The following NRXN3 variants were observed in gnomAD, a reference collection of about 807,000 sequenced individuals.
NRXN3 encodes the protein neurexin 3, also known as neurexin III.
In NRXN3, 32 loss-of-function variants were observed where a neutral mutation model predicts 137.6. The ratio of observed to expected loss-of-function variants is 0.23; its 90% CI spans 0.18 to 0.31. The LOEUF (loss-of-function observed/expected upper bound fraction) is 0.31, where lower values mean the gene tolerates loss of function less well. Ranked by LOEUF, NRXN3 falls within the 10% of genes least tolerant of loss-of-function variation. NRXN3 has a pLI of 1.00. For missense variants in NRXN3, 1,574 were observed against 2,062.5 expected (o/e 0.76, Z 4.59); for synonymous variants, 798 against 784.5 (o/e 1.02, Z -0.29).
At chr14:78,494,658 CA>C (rs925405570) in intron 4 of NRXN3, among the ~76,000 whole-genome samples, 7 of 151,852 alleles carry the variant, frequency 4.6e-5, no homozygotes, top group Non-Finnish European at 7.4e-5. Flanking sequence ...AGAGCCAGCC[CA>C]AAAAAATATG....
rs112593290 is a variant in NRXN3, at chr14:79,607,989, A to G, written c.3445-55789A>G. 4.0e-3 allele frequency among the ~76,000 whole-genome samples: 612 copies of G among 152,294 alleles called. 8 individuals carry two copies. Among genetic ancestry groups the G allele is most frequent in the African/African-American group, 0.014 (574 of 41,554 alleles). ...CGTGCCTGGCCATCAAATGTTTTTCATAGTGGACTAGGGCTTTATGATCCC... is the reference window on the plus strand; with the variant it reads ...CGTGCCTGGCCATCAAATGTTTTTCGTAGTGGACTAGGGCTTTATGATCCC... On this transcript the variant is annotated intron_variant, in intron 16 of 20. Coordinates refer to ENST00000335750, the MANE Select transcript of NRXN3 (RefSeq NM_001330195.2).
At chr14:78,460,381 C>T (rs1466217720) in intron 4 of NRXN3, among the ~76,000 whole-genome samples, 1 of 152,208 alleles carries the variant, frequency 6.6e-6, no homozygotes, top group African/African-American at 2.4e-5. Context: ...CTGAAAGTTC[C>T]AAACCTCTAA....
chr14:79,076,565 C>T (rs1038064072), intron 15 of NRXN3, among the ~76,000 whole-genome samples: 1 of 152,172 alleles, frequency 6.6e-6, no homozygotes, highest in Non-Finnish European at 1.5e-5. Flanking sequence ...AACTTAATAG[C>T]TGTCTTTGAT....
At chr14:78,282,495 G>A (rs2074543009) in intron 3 of NRXN3, 1 of 203,186 alleles carries the variant, frequency 4.9e-6, no homozygotes. Context: ...GAATTTAAAT[G>A]AATAACTGTG....
In NRXN3 at chr14:78,255,335, C is replaced by A. The variant is rs190774026; in HGVS notation, c.709+11533C>A. Among the ~76,000 whole-genome samples the A allele has an allele frequency of 3.3e-5, 5 of 152,222 alleles. No individual in the cohort carries two copies. The East Asian group carries it at 9.6e-4, about 29-fold the overall frequency. On this transcript the variant is annotated intron_variant, in intron 2 of 20. Transcript: ENST00000335750. ...TTGTGCAGCCAGGCCTCGGACCACA[C>A]GCATGTGCTGGGAAGTGGGCGTGAC... is the stretch of plus-strand genomic sequence containing the variant.
intron 15 of NRXN3, among the ~76,000 whole-genome samples, chr14:79,276,504 A>G (rs1276831999): frequency 1.3e-5 from 2 of 152,200 alleles, no homozygotes; most frequent in Admixed American, 6.5e-5. Context: ...GACATTTTGC[A>G]AAAAGTAAAT....
intron 19 of NRXN3, among the ~76,000 whole-genome samples, chr14:79,768,608 CA>C (rs1158655539): frequency 6.6e-6 from 1 of 152,136 alleles, no homozygotes; most frequent in African/African-American, 2.4e-5. Context: ...ACATCCACAC[CA>C]AAAACCCATC....
intron 19 of NRXN3, among the ~76,000 whole-genome samples, chr14:79,745,860 T>C (rs1288406843): frequency 6.6e-6 from 1 of 152,094 alleles, no homozygotes; most frequent in Non-Finnish European, 1.5e-5. Flanking sequence ...CCAACCTCTT[T>C]CTTCCTCATC....
At chr14:78,772,820 A>G (rs1178845707) in intron 8 of NRXN3, among the ~76,000 whole-genome samples, 4 of 152,188 alleles carry the variant, frequency 2.6e-5, no homozygotes, top group Admixed American at 6.5e-5. Context: ...GTGAACTGTA[A>G]AGTTTTGTGC....
Position 78,460,066 on chromosome 14 carries a change from C to T in NRXN3, c.757+162206C>T, listed in dbSNP as rs561384368. Among the ~76,000 whole-genome samples, 90 of 152,318 alleles carry T rather than the reference C, an allele frequency of 5.9e-4. 1 individual carries two copies. The highest frequency in any genetic ancestry group is 8.7e-4 in the African/African-American group (36 of 41,576). ...GAGAAACTCACAGAACTTAGGGGAACGCTTTATTTACATCTACCCATTTAT... is the reference window on the plus strand; with the variant it reads ...GAGAAACTCACAGAACTTAGGGGAATGCTTTATTTACATCTACCCATTTAT... On this transcript the variant is annotated intron_variant, in intron 4 of 20. Transcript: ENST00000335750.
rs531012023 is a variant in NRXN3 at position 78,837,494 on chromosome 14, T to G, written c.2275+27150T>G. On this transcript the variant is annotated intron_variant, in intron 10 of 20. Transcript: ENST00000335750. The stretch of plus-strand genomic sequence containing the variant: ...CCTTTGCCTCTTTATTTTTGTGGGT[T>G]TTTTTTTTTTCTCTTTGAGAATGTT... Among the ~76,000 whole-genome samples the G allele has an allele frequency of 5.6e-4, 84 of 150,458 alleles. 1 individual carries two copies. Among genetic ancestry groups the G allele is most frequent in the South Asian group, 6.3e-4 (3 of 4,730 alleles).
rs571159799 is a variant in NRXN3, at chr14:78,195,081, T to C, written c.-704+24407T>C. 1.1e-4 allele frequency among the ~76,000 whole-genome samples: 17 copies of C among 151,424 alleles called. No homozygotes were observed. The South Asian group carries it at 3.6e-3, about 32-fold the overall frequency. On this transcript the variant is annotated intron_variant, in intron 1 of 20. Coordinates refer to ENST00000335750, the MANE Select transcript of NRXN3 (RefSeq NM_001330195.2). ...TCCCCCGACCCCCCACCCTTTTTTTTCCCTGTCTGGTAACCTTGGCTTAAT... is the reference window on the plus strand; with the variant it reads ...TCCCCCGACCCCCCACCCTTTTTTTCCCCTGTCTGGTAACCTTGGCTTAAT...
At chr14:78,805,221 A>G (rs985156064) in intron 9 of NRXN3, among the ~76,000 whole-genome samples, 1 of 151,068 alleles carries the variant, frequency 6.6e-6, no homozygotes, top group Non-Finnish European at 1.5e-5. Context: ...TTCTTGTCCA[A>G]CTTCATTTGA....
intron 16 of NRXN3, among the ~76,000 whole-genome samples, chr14:79,579,967 G>T (rs1295120954): frequency 6.6e-6 from 1 of 151,950 alleles, no homozygotes; most frequent in East Asian, 1.9e-4. Flanking sequence ...CCAGCCTCTG[G>T]TATCTATCAT....
At chr14:78,576,831 C>T (rs1185963314) in intron 4 of NRXN3, among the ~76,000 whole-genome samples, 2 of 152,032 alleles carry the variant, frequency 1.3e-5, no homozygotes, top group Non-Finnish European at 2.9e-5. Flanking sequence ...CAAAAGACAC[C>T]CTTGTTTCAA....
chr14:78,834,262 C>G (rs2098990239), intron 10 of NRXN3, among the ~76,000 whole-genome samples: 1 of 152,056 alleles, frequency 6.6e-6, no homozygotes, highest in African/African-American at 2.4e-5. Flanking sequence ...AAAGTTTCCT[C>G]CGGCAGCTGA....
At chr14:78,218,835 A>T (rs560753951) in intron 1 of NRXN3, among the ~76,000 whole-genome samples, 6 of 152,340 alleles carry the variant, frequency 3.9e-5, no homozygotes, top group African/African-American at 1.4e-4. Flanking sequence ...GAGGGCTGCC[A>T]TAGCAAACTA....
chr14:79,536,114 T>A (rs1038240886), intron 16 of NRXN3, among the ~76,000 whole-genome samples: 14 of 152,272 alleles, frequency 9.2e-5, no homozygotes, highest in African/African-American at 3.1e-4. Flanking sequence ...CAGAGGTGGT[T>A]GCCTGAAGAG....
In NRXN3 at chr14:79,239,861, C is replaced by A. The variant is rs566059856; in HGVS notation, c.3263-227360C>A. Among the ~76,000 whole-genome samples, 30 of 152,264 alleles carry A rather than the reference C, an allele frequency of 2.0e-4. No homozygotes were observed. The South Asian group carries it at 5.8e-3, about 29-fold the overall frequency. ...AAAGAATTTCTGCCATTTGCAGCAG[C>A]ATGGATAAACATGGAGGACATTGTG... On this transcript the variant is annotated intron_variant, in intron 15 of 20. Coordinates refer to ENST00000335750, the MANE Select transcript of NRXN3 (RefSeq NM_001330195.2).
Sources: allele counts gnomAD v4.1 joint callset (sites outside exome capture counted in the v4.1 genomes callset), GRCh38; gene constraint gnomAD v4.1.1; transcripts MANE v1.5; gene names NCBI Gene and HGNC (gene_info 2026-07-23, HGNC 2026-07-21).